The following SUFU variants were observed in gnomAD, a reference collection of about 807,000 sequenced individuals.
The protein encoded by SUFU is SUFU negative regulator of hedgehog signaling.
A neutral mutation model predicts 58.9 loss-of-function variants in SUFU; 7 were observed. The observed-to-expected ratio is 0.12, with a 90% confidence interval of 0.07 to 0.22. SUFU has a LOEUF of 0.22. SUFU is among the 10% of genes least tolerant of loss of function. The pLI is 1.00. For synonymous variants in SUFU, 232 were observed against 254.8 expected, an observed-to-expected ratio of 0.91 and a Z score of 0.85; for missense variants, 451 against 641.3, an observed-to-expected ratio of 0.70 and a Z score of 3.20.
At chr10:102,546,557 C>G (rs2062857899) in intron 2 of SUFU, among the ~76,000 whole-genome samples, 2 of 152,208 alleles carry the variant, frequency 1.3e-5, no homozygotes, top group South Asian at 4.1e-4. Flanking sequence ...GGGCTTCATT[C>G]TCTGTTCAGA....
Position 102,503,974 on chromosome 10 carries a change from ACT to A in SUFU, c.-177_-176del. ...GCCGCCCCGAGGCACCCTCTGGCAGACTCGGCGGCGGCGACAGCCTGGGCGGA... is the reference window on the plus strand; with the variant it reads ...GCCGCCCCGAGGCACCCTCTGGCAGACGGCGGCGGCGACAGCCTGGGCGGA... On this transcript the variant is annotated 5_prime_UTR_variant, in exon 1 of 12. Transcript: ENST00000369902. 2 of 879,330 alleles carry A rather than the reference ACT, an allele frequency of 2.3e-6. No individual in the cohort carries two copies. The highest frequency in any genetic ancestry group is 3.2e-6 in the Non-Finnish European group (2 of 627,098). 54.5% of individuals were successfully genotyped at this position (879,330 alleles called of 1,614,324 possible). A position where few individuals can be genotyped will look rare whatever the true frequency, so the allele number is the denominator to read the frequency against.
At chr10:102,581,179 CCA>C (rs2063273872) in intron 3 of SUFU, among the ~76,000 whole-genome samples, 2 of 30,066 alleles carry the variant, frequency 6.7e-5, no homozygotes, top group African/African-American at 1.6e-4. Context: ...GACTCTGTCT[CCA>C]AAAAAAAAAA....
intron 8 of SUFU, among the ~76,000 whole-genome samples, chr10:102,611,669 A>G (rs1348194379): frequency 6.6e-6 from 1 of 152,260 alleles, no homozygotes; most frequent in African/African-American, 2.4e-5. Context: ...TGTCAGATAT[A>G]TTGTGAGCAC....
chr10:102,575,178 C>T (rs192707127), intron 3 of SUFU, among the ~76,000 whole-genome samples: 5 of 152,260 alleles, frequency 3.3e-5, no homozygotes, highest in African/African-American at 1.2e-4. Flanking sequence ...GGTGCCACCA[C>T]ACTCCAGCCT....
chr10:102,544,784 C>T (rs1014731683), intron 2 of SUFU, among the ~76,000 whole-genome samples: 1 of 152,140 alleles, frequency 6.6e-6, no homozygotes, highest in African/African-American at 2.4e-5. Context: ...TCTGTCCTCA[C>T]CCTAGTTTCT....
At chr10:102,592,920 G>T (rs1362321275) in intron 4 of SUFU, among the ~76,000 whole-genome samples, 196 bp downstream of exon 4, 1 of 152,218 alleles carries the variant, frequency 6.6e-6, no homozygotes, top group East Asian at 1.9e-4. Context: ...GGGGAGAAAG[G>T]GAAGGGGGCA....
chr10:102,605,830 A>T (rs758940302), intron 8 of SUFU, among the ~76,000 whole-genome samples: 4 of 152,312 alleles, frequency 2.6e-5, no homozygotes, highest in African/African-American at 9.6e-5. Context: ...CAGCAGGCCA[A>T]ATCCACTTCA....
chr10:102,526,324 G>C (rs1036774497), intron 2 of SUFU, among the ~76,000 whole-genome samples: 3 of 152,068 alleles, frequency 2.0e-5, no homozygotes, highest in Non-Finnish European at 2.9e-5. Flanking sequence ...AGGCCACGGG[G>C]GGGTGGATCA....
intron 3 of SUFU, among the ~76,000 whole-genome samples, chr10:102,588,239 A>G (rs1026634423): frequency 3.3e-5 from 5 of 151,938 alleles, no homozygotes; most frequent in Non-Finnish European, 7.4e-5. Flanking sequence ...TAAAAATACA[A>G]AAAATTAGCT....
At chr10:102,621,572 C>T (rs2063740440) in intron 10 of SUFU, among the ~76,000 whole-genome samples, 2 of 151,334 alleles carry the variant, frequency 1.3e-5, no homozygotes, top group South Asian at 4.2e-4. Context: ...TGGCTTTTGT[C>T]TGGCCTGTGG....
At chr10:102,502,834 C>A, upstream of SUFU, 1 of 606,572 alleles carries the variant, frequency 1.6e-6, no homozygotes, top group Non-Finnish European at 2.9e-6. Context: ...GCTTTGTTGC[C>A]CGCCTAGTTT....
At chr10:102,538,324 C>T (rs989133512) in intron 2 of SUFU, among the ~76,000 whole-genome samples, 2 of 150,916 alleles carry the variant, frequency 1.3e-5, no homozygotes, top group African/African-American at 4.9e-5. Flanking sequence ...CTTATAAATA[C>T]TACTGAATAT....
chr10:102,517,357 C>T (rs2062484402), intron 2 of SUFU, among the ~76,000 whole-genome samples: 1 of 151,948 alleles, frequency 6.6e-6, no homozygotes, highest in Admixed American at 6.6e-5. Flanking sequence ...TAAGTGACTA[C>T]CAGGCCAGAG....
chr10:102,610,392 C>CAAAAAA lies in SUFU; in HGVS notation c.1023-4870_1023-4865dup, dbSNP rs541858690. Among the ~76,000 whole-genome samples, 1,004 of 124,032 alleles carry CAAAAAA rather than the reference C, an allele frequency of 8.1e-3. 48 individuals carry two copies. The highest frequency in any genetic ancestry group is 0.027 in the Middle Eastern group (7 of 258). The allele number at this position is 124,032 out of a possible 152,430, so 81.4% of individuals were successfully genotyped here. ...TGGGCGTCGCAGCAAGACTCTGTCT[C>CAAAAAA]AAAAAAAAAAAGAAAAAGAGAAAAG... On this transcript the variant is annotated intron_variant, in intron 8 of 11. Coordinates refer to ENST00000369902, the MANE Select transcript of SUFU (RefSeq NM_016169.4).
intron 3 of SUFU, among the ~76,000 whole-genome samples, chr10:102,551,960 C>T (rs1198884876): frequency 2.0e-5 from 3 of 151,572 alleles, no homozygotes; most frequent in African/African-American, 7.3e-5. Flanking sequence ...CTCCTGACCT[C>T]GTGATCCACC....
At chr10:102,547,814 A>AAG (rs1262041778) in intron 2 of SUFU, among the ~76,000 whole-genome samples, 1 of 151,838 alleles carries the variant, frequency 6.6e-6, no homozygotes, top group Non-Finnish European at 1.5e-5. Context: ...CTCGGAAAGA[A>AAG]AGAGAGAGAG....
intron 2 of SUFU, among the ~76,000 whole-genome samples, chr10:102,523,705 G>A (rs993171341): frequency 6.6e-6 from 1 of 152,190 alleles, no homozygotes; most frequent in African/African-American, 2.4e-5. Context: ...GTGGTTTTGT[G>A]TAGATAAAAG....
chr10:102,504,075 G>C lies in SUFU; in HGVS notation c.-78G>C. 1 of 1,478,494 alleles carries C rather than the reference G, an allele frequency of 6.8e-7. No individual in the cohort carries two copies. Among genetic ancestry groups the C allele is most frequent in the East Asian group, 2.5e-5 (1 of 40,154 alleles). The allele number at this position is 1,478,494 out of a possible 1,614,324, so 91.6% of individuals were successfully genotyped here. On this transcript the variant is annotated 5_prime_UTR_variant, in exon 1 of 12. Transcript: ENST00000369902. ...CGCCTCGGGGAGTCTCACCCACCGA[G>C]TCCGCCCGCTGGCCCGTCAGTGCTC...
Position 102,619,416 on chromosome 10 carries a change from C to A in SUFU, c.1296+1988C>A. The A allele has an allele frequency of 7.4e-7, 1 of 1,352,146 alleles. No individual in the cohort carries two copies. The highest frequency in any genetic ancestry group is 9.5e-7 in the Non-Finnish European group (1 of 1,047,976). 83.8% of individuals were successfully genotyped at this position (1,352,146 alleles called of 1,614,324 possible). ...ACCGGGGCGCGGTGGGAACGAGCTG[C>A]TGGCCTCGGCATGTTTCAATAAAGT... On this transcript the variant is annotated intron_variant, in intron 10 of 11. Transcript: ENST00000369902. This position sits in a 1 kb window ranked among gnomAD's most constrained non-coding sequence, Gnocchi z 4.2.
Sources: gnomAD v4.1 joint callset for allele counts (sites outside exome capture counted in the v4.1 genomes callset) on GRCh38, gnomAD v4.1.1 for gene constraint, Gnocchi (gnomAD v3.1) non-coding constraint, MANE v1.5 for transcripts, NCBI Gene and HGNC (gene_info 2026-07-23, HGNC 2026-07-21) for gene names.